PPP2R2B: variants seen among roughly 807,000 people sequenced by gnomAD.
The protein encoded by PPP2R2B is serine/threonine-protein phosphatase 2A 55 kDa regulatory subunit B beta isoform.
A neutral mutation model predicts 46.0 loss-of-function variants in PPP2R2B; 5 were observed. The observed-to-expected ratio is 0.11, with a 90% CI of 0.06 to 0.23. The LOEUF (loss-of-function observed/expected upper bound fraction) is 0.23, where lower values mean the gene tolerates loss of function less well. Among genes scored for constraint, PPP2R2B ranks in the 10% least tolerant of loss-of-function variants. The pLI, the probability that PPP2R2B is intolerant of heterozygous loss-of-function variation, is 1.00. For missense variants in PPP2R2B, 367 were observed against 575.0 expected, an observed-to-expected ratio of 0.64 and a Z score of 3.70; for synonymous variants, 215 against 206.7, an observed-to-expected ratio of 1.04 and a Z score of -0.34.
chr5:146,817,840 C>T (rs1177110358), intron 2 of PPP2R2B, among the ~76,000 whole-genome samples: 1 of 152,208 alleles, frequency 6.6e-6, no homozygotes, highest in Non-Finnish European at 1.5e-5. Flanking sequence ...CATTTCATAA[C>T]AATTTATTCT....
rs377336472 is a variant in PPP2R2B, at chr5:146,910,977, C to A, written c.79+144688G>T. Among the ~76,000 whole-genome samples, 9 of 152,252 alleles carry A rather than the reference C, an allele frequency of 5.9e-5. No individual in the cohort carries two copies. In the East Asian group the frequency reaches 9.7e-4, roughly 16 times the overall value. On this transcript the variant is annotated intron_variant, in intron 1 of 8. Transcript: ENST00000336640. ...GGCTTCTACATAGGCTGTTCCCAGT[C>A]TAAAATTCTTTTCCATCCCTTTTCA...
intron 1 of PPP2R2B, among the ~76,000 whole-genome samples, chr5:146,983,433 G>C (rs990190525): frequency 6.6e-6 from 1 of 152,080 alleles, no homozygotes; most frequent in Non-Finnish European, 1.5e-5. Flanking sequence ...GCCCGCCTTG[G>C]CCTCCCAAAG....
intron 2 of PPP2R2B, among the ~76,000 whole-genome samples, chr5:146,783,519 C>CT (rs1287717131): frequency 6.6e-6 from 1 of 152,082 alleles, no homozygotes; most frequent in African/African-American, 2.4e-5. Flanking sequence ...TCTACTTATG[C>CT]TTTTTCCATT....
intron 5 of PPP2R2B, among the ~76,000 whole-genome samples, chr5:146,683,636 GTC>G (rs1346928795): frequency 6.6e-6 from 1 of 152,142 alleles, no homozygotes; most frequent in African/African-American, 2.4e-5. Flanking sequence ...TTATCATCAT[GTC>G]TCTGAACATT....
At position 146,680,016 on chromosome 5, in the gene PPP2R2B, C is replaced by A. The variant is rs1332747883; in HGVS notation, c.447+11112G>T. ...TCCTCAGGGATCTAGAACTAGAAAT[C>A]CCATTTGACCCAGCCATCCCATTAC... On this transcript the variant is annotated intron_variant, in intron 5 of 9. Transcript: ENST00000394411. 1.9e-3 allele frequency among the ~76,000 whole-genome samples: 269 copies of A among 144,946 alleles called. 1 individual carries two copies. Among genetic ancestry groups the A allele is most frequent in the African/African-American group, 6.1e-3 (240 of 39,338 alleles).
chr5:146,646,744 T>G (rs1379210486), intron 6 of PPP2R2B, among the ~76,000 whole-genome samples: 1 of 152,216 alleles, frequency 6.6e-6, no homozygotes, highest in African/African-American at 2.4e-5. Flanking sequence ...ACCATTCTAA[T>G]GTTCAACTTT....
At chr5:146,691,048 C>T (rs1778818007) in intron 5 of PPP2R2B, 80 bp downstream of exon 5, 1 of 1,248,372 alleles carries the variant, frequency 8.0e-7, no homozygotes, top group Non-Finnish European at 1.1e-6. Context: ...TAGTTGCAAC[C>T]TACAGTAACA....
chr5:146,968,470 A>T (rs901262237), intron 1 of PPP2R2B, among the ~76,000 whole-genome samples: 1 of 152,216 alleles, frequency 6.6e-6, no homozygotes, highest in African/African-American at 2.4e-5. Flanking sequence ...TGTCGGGCTA[A>T]CATGAATGCT....
At chr5:146,968,101 T>C (rs1752513264) in intron 1 of PPP2R2B, among the ~76,000 whole-genome samples, 1 of 152,162 alleles carries the variant, frequency 6.6e-6, no homozygotes, top group South Asian at 2.1e-4. Context: ...CTTGACACTG[T>C]ACTTATTGAA....
At chr5:146,891,205 C>T (rs924871564) in intron 1 of PPP2R2B, among the ~76,000 whole-genome samples, 3 of 152,180 alleles carry the variant, frequency 2.0e-5, no homozygotes, top group Non-Finnish European at 2.9e-5. Flanking sequence ...AACCAGGCTA[C>T]TTGAGGTCAA....
chr5:146,738,892 G>C (rs1186692416), intron 2 of PPP2R2B, among the ~76,000 whole-genome samples: 2 of 152,142 alleles, frequency 1.3e-5, no homozygotes, highest in Non-Finnish European at 2.9e-5. Context: ...GGTGTGACTA[G>C]AACTGTGAAT....
Position 147,079,010 on chromosome 5 carries a change from T to A in PPP2R2B, c.50+2049A>T, listed in dbSNP as rs182122069. Reference sequence around the variant, plus strand: ...GTAGGTCATTTTTTTCTTTCTTTTTTAAAAAAGTTTCTAATGTCTAGCACA... The same window carrying A: ...GTAGGTCATTTTTTTCTTTCTTTTTAAAAAAAGTTTCTAATGTCTAGCACA... On this transcript the variant is annotated intron_variant, in intron 2 of 10. Transcript: ENST00000394413. 3.4e-3 allele frequency among the ~76,000 whole-genome samples: 515 copies of A among 152,074 alleles called. 4 individuals are homozygous for A. Among genetic ancestry groups the A allele is most frequent in the African/African-American group, 0.012 (485 of 41,522 alleles).
At chr5:146,654,208 A>G (rs1776173715) in intron 5 of PPP2R2B, among the ~76,000 whole-genome samples, 1 of 152,162 alleles carries the variant, frequency 6.6e-6, no homozygotes, top group Non-Finnish European at 1.5e-5. Context: ...TATCTCCTCC[A>G]GCGCCCTCAG....
chr5:146,900,101 G>A (rs1762776569), intron 1 of PPP2R2B, among the ~76,000 whole-genome samples: 1 of 152,150 alleles, frequency 6.6e-6, no homozygotes, highest in South Asian at 2.1e-4. Context: ...CTGGGGAACC[G>A]GAAATTTATT....
chr5:146,862,844 C>T (rs1455516605), intron 2 of PPP2R2B, among the ~76,000 whole-genome samples: 2 of 136,854 alleles, frequency 1.5e-5, no homozygotes, highest in Non-Finnish European at 1.5e-5. Flanking sequence ...AGGCAACCTG[C>T]TTGTCAAGTA....
chr5:146,945,578 A>G (rs1286215639), intron 1 of PPP2R2B, among the ~76,000 whole-genome samples: 2 of 152,160 alleles, frequency 1.3e-5, no homozygotes, highest in African/African-American at 4.8e-5. Flanking sequence ...TTGTGCTGCT[A>G]TAGCAGCTGC....
chr5:146,852,689 T>G (rs1485280040), intron 2 of PPP2R2B, among the ~76,000 whole-genome samples: 1 of 152,154 alleles, frequency 6.6e-6, no homozygotes, highest in Admixed American at 6.6e-5. Flanking sequence ...TCCCAATGAC[T>G]GCTAATGTGT....
At chr5:147,077,991 T>C (rs1325306071) in intron 2 of PPP2R2B, among the ~76,000 whole-genome samples, 2 of 152,198 alleles carry the variant, frequency 1.3e-5, no homozygotes, top group African/African-American at 4.8e-5. Context: ...TTCAAAACAA[T>C]GTTTAAAGAG....
intron 2 of PPP2R2B, among the ~76,000 whole-genome samples, chr5:146,832,380 T>A (rs1244030949): frequency 0.02 from 420 of 20,500 alleles, 14 homozygotes; most frequent in African/African-American, 0.043. Flanking sequence ...ATTTTTAATC[T>A]TTTTTTTTTT....
Sources: gnomAD v4.1 joint callset for allele counts (sites outside exome capture counted in the v4.1 genomes callset) on GRCh38, gnomAD v4.1.1 for gene constraint, MANE v1.5 for transcripts, NCBI Gene and HGNC (gene_info 2026-07-23, HGNC 2026-07-21) for gene names.